The following TAF2 variants were observed in gnomAD, a reference collection of about 807,000 sequenced individuals.
The protein encoded by TAF2 is transcription initiation factor TFIID subunit 2.
A neutral mutation model predicts 138.5 loss-of-function variants in TAF2; 61 were observed. The ratio of observed to expected loss-of-function variants is 0.44; its 90% CI spans 0.36 to 0.54. The LOEUF is 0.54. TAF2 is among the 20% of genes least tolerant of loss of function. The pLI is 0.00. For synonymous variants in TAF2, 475 were observed against 469.9 expected, an observed-to-expected ratio of 1.01 and a Z score of -0.14; for missense variants, 1,090 against 1,427.9, an observed-to-expected ratio of 0.76 and a Z score of 3.81.
intron 12 of TAF2, among the ~76,000 whole-genome samples, chr8:119,789,278 G>A (rs1452307975): frequency 6.6e-6 from 1 of 152,096 alleles, no homozygotes; most frequent in Non-Finnish European, 1.5e-5. Context: ...TAATCCTACA[G>A]GTCTGTCTGG....
rs1372073019 is a variant in TAF2, at chr8:119,806,366, G to C, written c.335C>G (p.Ala112Gly). 1 of 1,613,752 alleles carries C rather than the reference G, an allele frequency of 6.2e-7. No homozygotes were observed. The highest frequency in any genetic ancestry group is 1.7e-5 in the Admixed American group (1 of 59,988). Reference sequence around the variant, plus strand: ...ATCAGGGTCCACAGCACTAACTGCAGCTGCATAAGCATTGGAAAAATAATT... The same window carrying C: ...ATCAGGGTCCACAGCACTAACTGCACCTGCATAAGCATTGGAAAAATAATT... ...NLNYFSNAYA[A>G]AVSAVDPDAG... Residue 112 changes from alanine to glycine, a missense_variant, in exon 4 of 26, where the codon GCT (alanine) becomes GGT (glycine). Ala to Gly is a moderately conservative substitution (Grantham distance 60, BLOSUM62 0). Transcript: ENST00000378164.
Position 119,733,782 on chromosome 8 carries a change from C to G in TAF2, c.3338-1596G>C, listed in dbSNP as rs185377297. ...TCTCATAAATATCTCTTAAATCCGCCCCCCCCCATCCTAATCCTGTCTGCA... is the reference window on the plus strand; with the variant it reads ...TCTCATAAATATCTCTTAAATCCGCGCCCCCCCATCCTAATCCTGTCTGCA... On this transcript the variant is annotated intron_variant, in intron 25 of 25. Transcript: ENST00000378164. Among the ~76,000 whole-genome samples, 301 of 145,508 alleles carry G rather than the reference C, an allele frequency of 2.1e-3. 2 individuals are homozygous for G. Among genetic ancestry groups the G allele is most frequent in the Admixed American group, 3.4e-3 (50 of 14,652 alleles).
rs73705420 is a variant in TAF2 at position 119,804,876 on chromosome 8, T to C, written c.419-857A>G. On this transcript the variant is annotated intron_variant, in intron 4 of 25. Coordinates refer to ENST00000378164, the MANE Select transcript of TAF2 (RefSeq NM_003184.4). ...TTTGCATTATTATCACGTTTTTTGT[T>C]ATGCTTGATTTCTTCACTATAAACT... Among the ~76,000 whole-genome samples, 1,239 of 152,244 alleles carry C rather than the reference T, an allele frequency of 8.1e-3. 18 individuals are homozygous for C. Among genetic ancestry groups the C allele is most frequent in the African/African-American group, 0.028 (1,181 of 41,534 alleles).
chr8:119,783,416 T>G lies in TAF2; in HGVS notation c.2077A>C (p.Arg693=). 6.2e-7 allele frequency: 1 copy of G among 1,614,148 alleles called. No homozygotes were observed. The highest frequency in any genetic ancestry group is 2.2e-5 in the East Asian group (1 of 44,874). Residue 693 remains arginine (R), a synonymous_variant, in exon 16 of 26, where the codon AGA becomes CGA. Transcript: ENST00000378164. The stretch of plus-strand genomic sequence containing the variant: ...CAGAAGCAAGCTGACATTCTTACTC[T>G]GTAGAAACACTGCTCTTGTTCTAAT... The part of the protein sequence containing the change: ...DILEQEQCFY[R]VRMSACFCLA...
At position 119,750,407 on chromosome 8, in the gene TAF2, G is replaced by C. The variant is rs957023026; in HGVS notation, c.2879-3473C>G. On this transcript the variant is annotated intron_variant, in intron 22 of 25. Coordinates refer to ENST00000378164, the MANE Select transcript of TAF2 (RefSeq NM_003184.4). ...AGCTGCTAAGAAGAAAATTCACTTT[G>C]AAAGCCACTGTTTTCAGGACACTTC... 3.3e-5 allele frequency among the ~76,000 whole-genome samples: 5 copies of C among 152,142 alleles called. No individual in the cohort carries two copies. In the East Asian group the frequency reaches 9.6e-4, roughly 29 times the overall value.
chr8:119,751,172 T>C (rs1820324502), intron 22 of TAF2, among the ~76,000 whole-genome samples: 1 of 152,182 alleles, frequency 6.6e-6, no homozygotes, highest in Admixed American at 6.5e-5. Context: ...CTTGAAGCTA[T>C]AAAGGCAGGA....
intron 2 of TAF2, among the ~76,000 whole-genome samples, chr8:119,824,757 C>T (rs1825997134): frequency 6.6e-6 from 1 of 152,220 alleles, no homozygotes; most frequent in South Asian, 2.1e-4. Context: ...TGGTACAAGC[C>T]TCAAGCCTTG....
chr8:119,831,398 A>C (rs2131279377), intron 2 of TAF2, among the ~76,000 whole-genome samples: 1 of 152,332 alleles, frequency 6.6e-6, no homozygotes, highest in African/African-American at 2.4e-5. Context: ...CAATTATAAA[A>C]TGCTTGGCTA....
At chr8:119,831,868 C>T (rs1826469123) in intron 1 of TAF2, 137 bp from the exon 2 acceptor site, 1 of 593,802 alleles carries the variant, frequency 1.7e-6, no homozygotes, top group East Asian at 3.8e-5. Context: ...CATTTTAAAA[C>T]TACGAATTGG....
chr8:119,821,088 T>C (rs1319098016), intron 2 of TAF2, among the ~76,000 whole-genome samples: 3 of 152,188 alleles, frequency 2.0e-5, no homozygotes, highest in Admixed American at 6.5e-5. Context: ...TTTTCTAAAC[T>C]CTGGTAACAA....
At chr8:119,785,499 T>C (rs1822951541) in intron 14 of TAF2, among the ~76,000 whole-genome samples, 1 of 152,148 alleles carries the variant, frequency 6.6e-6, no homozygotes, top group African/African-American at 2.4e-5. Flanking sequence ...ACAAGAAGCA[T>C]GAATATATAA....
intron 25 of TAF2, among the ~76,000 whole-genome samples, chr8:119,734,768 T>C (rs1043374309): frequency 6.6e-6 from 1 of 151,858 alleles, no homozygotes; most frequent in African/African-American, 2.4e-5. Context: ...TGAACCTGAG[T>C]AATAAAAAGG....
intron 23 of TAF2, chr8:119,744,852 T>C (rs1283500597): frequency 4.4e-6 from 2 of 455,496 alleles, no homozygotes; most frequent in Non-Finnish European, 8.8e-6. Flanking sequence ...TCCTACACTG[T>C]TAATACAGGT....
intron 25 of TAF2, among the ~76,000 whole-genome samples, chr8:119,732,638 T>C (rs1012362516): frequency 5.3e-5 from 8 of 151,924 alleles, no homozygotes; most frequent in Admixed American, 4.6e-4. Context: ...ACTCCATCTT[T>C]ACCAAAAATA....
chr8:119,749,002 C>T lies in TAF2; in HGVS notation c.2879-2068G>A, dbSNP rs79169260. 7.3e-3 allele frequency among the ~76,000 whole-genome samples: 1,103 copies of T among 152,046 alleles called. 14 individuals carry two copies. Among genetic ancestry groups the T allele is most frequent in the African/African-American group, 0.025 (1,028 of 41,498 alleles). The stretch of plus-strand genomic sequence containing the variant: ...AAAACTAAACCCTGAAGATCAATGT[C>T]GCCATGATTATGTGTGCTACAAAAA... On this transcript the variant is annotated intron_variant, in intron 22 of 25. Coordinates refer to ENST00000378164, the MANE Select transcript of TAF2 (RefSeq NM_003184.4).
Position 119,742,641 on chromosome 8 carries a change from C to CGATATTT in TAF2, c.3223_3229dup (p.Arg1077GlnfsTer6). ...TAAAGCAGATCGGGAGCTAGCTGGC[C>CGATATTT]GATATTTCGAGAGCCCTAAAATGCC... On this transcript the variant is annotated frameshift_variant, in exon 25 of 26. Transcript: ENST00000378164. LOFTEE classifies it high-confidence loss of function. The CGATATTT allele has an allele frequency of 6.2e-7, 1 of 1,613,180 alleles. No homozygotes were observed. The highest frequency in any genetic ancestry group is 8.5e-7 in the Non-Finnish European group (1 of 1,179,834).
intron 22 of TAF2, among the ~76,000 whole-genome samples, chr8:119,753,871 G>C (rs1820518872): frequency 6.6e-6 from 1 of 152,152 alleles, no homozygotes; most frequent in African/African-American, 2.4e-5. Flanking sequence ...ATTCAATACA[G>C]CAGAGTGAGT....
chr8:119,735,994 G>C (rs1269810894), intron 25 of TAF2, among the ~76,000 whole-genome samples: 1 of 152,178 alleles, frequency 6.6e-6, no homozygotes, highest in East Asian at 1.9e-4. Flanking sequence ...TTGGGAGCTT[G>C]AGGTTCTCTT....
At chr8:119,778,808 C>T (rs1398266429) in intron 17 of TAF2, among the ~76,000 whole-genome samples, 1 of 152,156 alleles carries the variant, frequency 6.6e-6, no homozygotes, top group East Asian at 1.9e-4. Flanking sequence ...ACATGACTTA[C>T]ACACACTGGT....
Sources: allele counts gnomAD v4.1 joint callset (sites outside exome capture counted in the v4.1 genomes callset), GRCh38; gene constraint gnomAD v4.1.1; transcripts MANE v1.5; gene names NCBI Gene and HGNC (gene_info 2026-07-23, HGNC 2026-07-21).